The following IL12RB2 variants were observed in gnomAD, a reference collection of about 807,000 sequenced individuals.
IL12RB2 encodes interleukin 12 receptor subunit beta 2, also known as interleukin-12 receptor subunit beta-2.
In IL12RB2, 82 loss-of-function variants were observed where a neutral mutation model predicts 89.4. That is an observed-to-expected ratio of 0.92 (90% CI 0.77 to 1.10). The LOEUF is 1.10. Among genes scored for constraint, IL12RB2 ranks in the 50% least tolerant of loss-of-function variants. The pLI is 0.00. For missense variants in IL12RB2, 963 were observed against 1,031.9 expected, an observed-to-expected ratio of 0.93 and a Z score of 0.92; for synonymous variants, 368 against 370.1, an observed-to-expected ratio of 0.99 and a Z score of 0.07.
At chr1:67,350,819 A>C in intron 9 of IL12RB2, 51 bp from the exon 10 acceptor site, 3 of 1,606,554 alleles carry the variant, frequency 1.9e-6, no homozygotes, top group Non-Finnish European at 2.6e-6. Flanking sequence ...GGCACAGAGC[A>C]TCAGTGATCT....
intron 8 of IL12RB2, among the ~76,000 whole-genome samples, chr1:67,334,563 C>T (rs1015267965): frequency 6.6e-6 from 1 of 152,194 alleles, no homozygotes; most frequent in Admixed American, 6.5e-5. Flanking sequence ...ACTGCAAGCT[C>T]CGCCTCCCGG....
intron 2 of IL12RB2, among the ~76,000 whole-genome samples, chr1:67,317,542 T>C (rs759279716): frequency 5.3e-5 from 8 of 152,284 alleles, no homozygotes; most frequent in Admixed American, 2.0e-4. Context: ...TGTGACTATA[T>C]TGGGCCCACT....
At chr1:67,316,649 T>A (rs1655811224) in intron 2 of IL12RB2, among the ~76,000 whole-genome samples, 1 of 152,108 alleles carries the variant, frequency 6.6e-6, no homozygotes, top group East Asian at 1.9e-4. Flanking sequence ...CTGCAGTCAC[T>A]TTCTCCAACA....
At chr1:67,311,158 C>T (rs1231772730) in intron 1 of IL12RB2, among the ~76,000 whole-genome samples, 1 of 152,226 alleles carries the variant, frequency 6.6e-6, no homozygotes, top group Admixed American at 6.5e-5. Context: ...CTGCTCTTTT[C>T]ATTACTACTA....
chr1:67,328,533 G>A, intron 6 of IL12RB2, 149 bp downstream of exon 6: 1 of 1,394,678 alleles, frequency 7.2e-7, no homozygotes, highest in Non-Finnish European at 9.6e-7. Flanking sequence ...TTTGATGCAA[G>A]TAAAAGGGTG....
At position 67,386,795 on chromosome 1, in the gene IL12RB2, C is replaced by A. The variant is rs1665199332; in HGVS notation, c.1946+126C>A. 13 of 734,622 alleles carry A rather than the reference C, an allele frequency of 1.8e-5. No individual in the cohort carries two copies. In the South Asian group the frequency reaches 1.8e-4, roughly 10 times the overall value. 45.5% of individuals were successfully genotyped at this position (734,622 alleles called of 1,614,324 possible). ...CTGGTGAGAGACTAAACTTATTTAA[C>A]CACTTTGGGTGACAGTATGTGTCAA... On this transcript the variant is annotated intron_variant, in intron 15 of 16. Coordinates refer to ENST00000674203, the MANE Select transcript of IL12RB2 (RefSeq NM_001374259.2).
chr1:67,383,684 ATTAAATC>A (rs1342874538), intron 14 of IL12RB2, among the ~76,000 whole-genome samples: 10 of 152,234 alleles, frequency 6.6e-5, no homozygotes, highest in African/African-American at 2.4e-4. Context: ...TAGGGCAATC[ATTAAATC>A]TTAAAGCTCC....
chr1:67,353,427 A>C (rs1661056004), intron 10 of IL12RB2, among the ~76,000 whole-genome samples: 2 of 152,124 alleles, frequency 1.3e-5, no homozygotes, highest in South Asian at 4.1e-4. Flanking sequence ...AAGATTAGTC[A>C]GCTGTGGTGG....
intron 8 of IL12RB2, among the ~76,000 whole-genome samples, chr1:67,331,281 T>C (rs1437266267): frequency 6.6e-6 from 1 of 152,194 alleles, no homozygotes; most frequent in East Asian, 1.9e-4. Flanking sequence ...AGCAATCCTC[T>C]CTTGTCCAAA....
At chr1:67,341,137 C>A (rs1357785169) in intron 9 of IL12RB2, among the ~76,000 whole-genome samples, 2 of 152,126 alleles carry the variant, frequency 1.3e-5, no homozygotes, top group African/African-American at 4.8e-5. Context: ...CAGTGGCTTA[C>A]GCCAGTAATA....
intron 10 of IL12RB2, among the ~76,000 whole-genome samples, chr1:67,361,860 T>A (rs1471689231): frequency 6.6e-6 from 1 of 152,168 alleles, no homozygotes. Context: ...AAACTGTACC[T>A]ACATACATCA....
rs534498855 is a variant in IL12RB2 at position 67,343,318 on chromosome 1, G to C, written c.1038+4615G>C. Among the ~76,000 whole-genome samples, 32 of 152,346 alleles carry C rather than the reference G, an allele frequency of 2.1e-4. 1 individual carries two copies. The South Asian group carries it at 6.2e-3, about 30-fold the overall frequency. ...GCTGGTCACAGACTCCTGGGTTCAA[G>C]TGATCTGCCCACCTCAACCTCCCAA... On this transcript the variant is annotated intron_variant, in intron 9 of 16. Coordinates refer to ENST00000674203, the MANE Select transcript of IL12RB2 (RefSeq NM_001374259.2).
rs2100645775 is a variant in IL12RB2 at position 67,326,756 on chromosome 1, A to T, written c.386A>T (p.Asn129Ile). The T allele has an allele frequency of 6.2e-7, 1 of 1,613,490 alleles. No individual in the cohort carries two copies. Among genetic ancestry groups the T allele is most frequent in the Non-Finnish European group, 8.5e-7 (1 of 1,179,642 alleles). Residue 129 changes from asparagine to isoleucine, a missense_variant, in exon 5 of 17, where the codon AAT becomes ATT. Physicochemically the swap from Asn to Ile is moderately radical, Grantham distance 149. Coordinates refer to ENST00000674203, the MANE Select transcript of IL12RB2 (RefSeq NM_001374259.2). ...FVGVAPEQPQ[N>I]LSCIQKGEQG... ...AAAGTTGCTCCAGAACAGCCTCAAAATTTATCCTGCATACAGAAGGGAGAA... is the reference window on the plus strand; with the variant it reads ...AAAGTTGCTCCAGAACAGCCTCAAATTTTATCCTGCATACAGAAGGGAGAA...
At chr1:67,336,370 C>G (rs1658761857) in intron 8 of IL12RB2, among the ~76,000 whole-genome samples, 2 of 152,166 alleles carry the variant, frequency 1.3e-5, no homozygotes, top group African/African-American at 2.4e-5. Context: ...CACCACCTGA[C>G]AGTAGGTGGT....
intron 4 of IL12RB2, 31 bp from the exon 5 acceptor site, chr1:67,326,704 A>T: frequency 6.2e-7 from 1 of 1,608,922 alleles, no homozygotes. Context: ...CACCTGTGTG[A>T]TATATAAGGT....
Position 67,330,775 on chromosome 1 carries a change from G to A in IL12RB2, c.923G>A (p.Trp308Ter). The change falls in exon 8 of 17, where the codon TGG (tryptophan) becomes TAG (stop). Residue 308 changes from tryptophan (W) to a stop codon, truncating the protein, a stop_gained. Coordinates refer to ENST00000674203, the MANE Select transcript of IL12RB2 (RefSeq NM_001374259.2). LOFTEE classifies it high-confidence loss of function. Reference sequence around the variant, plus strand: ...CTTTATAAGGGAAGTTGGAGTGATTGGAGTGAATCATTGAGAGCACAAACA... The same window carrying A: ...CTTTATAAGGGAAGTTGGAGTGATTAGAGTGAATCATTGAGAGCACAAACA... ...LHLYKGSWSD[W>*]SESLRAQTPE... is the part of the protein sequence containing the mutation. 1 of 1,571,670 alleles carries A rather than the reference G, an allele frequency of 6.4e-7. No individual in the cohort carries two copies. The highest frequency in any genetic ancestry group is 2.2e-5 in the East Asian group (1 of 44,594).
chr1:67,321,626 C>G lies in IL12RB2; in HGVS notation c.101C>G (p.Thr34Ser). 1.2e-6 allele frequency: 2 copies of G among 1,605,450 alleles called. No individual in the cohort carries two copies. The highest frequency in any genetic ancestry group is 1.7e-6 in the Non-Finnish European group (2 of 1,172,198). Reference protein sequence around the residue: ...KIDACKRGDVTVKPSHVILLG... With the variant: ...KIDACKRGDVSVKPSHVILLG... ...GATGCGTGCAAGAGAGGCGATGTGA[C>G]TGTGAAGCCTTCCCATGTAATTTTA... The change falls in exon 4 of 17, where the codon ACT (threonine) becomes AGT (serine). Residue 34 changes from threonine to serine, a missense_variant. Thr to Ser is a moderately conservative substitution (Grantham distance 58). Coordinates refer to ENST00000674203, the MANE Select transcript of IL12RB2 (RefSeq NM_001374259.2).
intron 15 of IL12RB2, among the ~76,000 whole-genome samples, 200 bp downstream of exon 15, chr1:67,386,869 A>ATT (rs1232980676): frequency 0.027 from 1,119 of 40,842 alleles, 13 homozygotes; most frequent in Non-Finnish European, 0.037. Flanking sequence ...CTAGAAATGT[A>ATT]TTTTATATAT....
chr1:67,340,937 C>A (rs1226449468), intron 9 of IL12RB2, among the ~76,000 whole-genome samples: 1 of 152,158 alleles, frequency 6.6e-6, no homozygotes, highest in East Asian at 1.9e-4. Flanking sequence ...CCTACTCCTG[C>A]CAGGACAGAC....
Sources: allele counts gnomAD v4.1 joint callset (sites outside exome capture counted in the v4.1 genomes callset), GRCh38; gene constraint gnomAD v4.1.1; transcripts MANE v1.5; gene names NCBI Gene and HGNC (gene_info 2026-07-23, HGNC 2026-07-21).